Variants in LPA observed in about 807,000 individuals in gnomAD.
LPA encodes lipoprotein(a).
Under a neutral mutation model 197.9 loss-of-function variants are expected in LPA, and 199 were observed. The observed-to-expected ratio is 1.01, with a 90% CI of 0.90 to 1.13. The LOEUF is 1.13. Among genes scored for constraint, LPA ranks in the 50% most tolerant of loss-of-function variants. The pLI is 0.00. For missense variants in LPA, 1,853 were observed against 1,785.8 expected, an observed-to-expected ratio of 1.04 and a Z score of -0.68; for synonymous variants, 715 against 639.5, an observed-to-expected ratio of 1.12 and a Z score of -1.78.
chr6:160,657,640 G>T (rs965471523), intron 1 of LPA, among the ~76,000 whole-genome samples: 1 of 151,980 alleles, frequency 6.6e-6, no homozygotes, highest in African/African-American at 2.4e-5. Context: ...CTCGTGATCT[G>T]CCCGCCCCCG....
intron 37 of LPA, among the ~76,000 whole-genome samples, chr6:160,533,856 C>G (rs1258915971): frequency 6.6e-6 from 1 of 152,202 alleles, no homozygotes; most frequent in African/African-American, 2.4e-5. Context: ...TAATTTCCTT[C>G]GCCAAATTGA....
chr6:160,580,712 C>G (rs984876525), intron 26 of LPA, among the ~76,000 whole-genome samples: 1 of 152,100 alleles, frequency 6.6e-6, no homozygotes, highest in Non-Finnish European at 1.5e-5. Context: ...TGCATCTTCT[C>G]CTAAGAAATG....
chr6:160,545,178 C>T (rs1778045672), intron 33 of LPA, among the ~76,000 whole-genome samples: 1 of 151,974 alleles, frequency 6.6e-6, no homozygotes, highest in Admixed American at 6.6e-5. Context: ...ATTAGATCAC[C>T]TCTAAGTTTG....
At chr6:160,654,085 ATATAT>A (rs1323538641) in intron 1 of LPA, among the ~76,000 whole-genome samples, 3 of 47,222 alleles carry the variant, frequency 6.4e-5, no homozygotes, top group African/African-American at 2.8e-4. Flanking sequence ...TATATATTAT[ATATAT>A]TATATATAAT....
rs546421949 is a variant in LPA, at chr6:160,546,226, C to T, written c.5305-693G>A. On this transcript the variant is annotated intron_variant, in intron 32 of 38. Coordinates refer to ENST00000316300, the MANE Select transcript of LPA (RefSeq NM_005577.4). ...CAACCTCCAGGGAGGGAAGAGGGGCCGAAGGTGAGCCGATCACCGATGGCC... is the reference window on the plus strand; with the variant it reads ...CAACCTCCAGGGAGGGAAGAGGGGCTGAAGGTGAGCCGATCACCGATGGCC... Among the ~76,000 whole-genome samples the T allele has an allele frequency of 1.1e-4, 17 of 152,154 alleles. No individual in the cohort carries two copies. The East Asian group carries it at 2.1e-3, about 19-fold the overall frequency.
At chr6:160,606,932 C>T (rs186050179) in intron 16 of LPA, among the ~76,000 whole-genome samples, 11 of 152,254 alleles carry the variant, frequency 7.2e-5, no homozygotes, top group African/African-American at 1.2e-4. Context: ...GGGCAAAAAA[C>T]GATCAGAGTA....
chr6:160,557,854 AT>A (rs1406889191), intron 28 of LPA, among the ~76,000 whole-genome samples: 1 of 152,172 alleles, frequency 6.6e-6, no homozygotes, highest in Non-Finnish European at 1.5e-5. Context: ...AATTCGGAAT[AT>A]CTTCCTCCTT....
Position 160,600,902 on chromosome 6 carries a change from G to A in LPA, c.3127+15C>T. ...CCAGCATCCAAGCAGGTAAATGTCT[G>A]GCACAACTTCTTACCTTGTTCAAAA... On this transcript the variant is annotated intron_variant, in intron 19 of 38. Coordinates refer to ENST00000316300, the MANE Select transcript of LPA (RefSeq NM_005577.4). The A allele has an allele frequency of 1.9e-6, 3 of 1,611,936 alleles. No individual in the cohort carries two copies. Among genetic ancestry groups the A allele is most frequent in the South Asian group, 2.2e-5 (2 of 90,998 alleles).
intron 20 of LPA, among the ~76,000 whole-genome samples, chr6:160,595,998 T>G (rs1329095631): frequency 1.3e-5 from 2 of 152,214 alleles, no homozygotes. Flanking sequence ...TACAAATATT[T>G]CTCTGTCAGC....
chr6:160,603,287 TGTGA>T (rs1442789348), intron 18 of LPA, among the ~76,000 whole-genome samples: 3 of 151,544 alleles, frequency 2.0e-5, no homozygotes, highest in East Asian at 1.9e-4. Context: ...CCTGTGCATG[TGTGA>T]GTATGTGTGT....
intron 28 of LPA, among the ~76,000 whole-genome samples, chr6:160,568,498 G>C (rs530072121): frequency 6.6e-6 from 1 of 152,216 alleles, no homozygotes; most frequent in East Asian, 1.9e-4. Flanking sequence ...AAAATAATAA[G>C]AGCTATTTAT....
chr6:160,655,188 T>C (rs1780111449), intron 1 of LPA, among the ~76,000 whole-genome samples: 2 of 152,162 alleles, frequency 1.3e-5, no homozygotes, highest in Non-Finnish European at 2.9e-5. Flanking sequence ...TGACCCACAG[T>C]CAAACGTTCA....
chr6:160,572,875 A>C (rs970194009), intron 28 of LPA, among the ~76,000 whole-genome samples: 6 of 152,056 alleles, frequency 3.9e-5, no homozygotes, highest in African/African-American at 1.2e-4. Flanking sequence ...ACCTGATGAG[A>C]ATGTGCCTAG....
chr6:160,651,230 T>C (rs2115099862), intron 1 of LPA, among the ~76,000 whole-genome samples: 1 of 152,308 alleles, frequency 6.6e-6, no homozygotes, highest in African/African-American at 2.4e-5. Context: ...AGATACAGCA[T>C]TTGTTTATTT....
chr6:160,563,191 C>T (rs1228245140), intron 28 of LPA, among the ~76,000 whole-genome samples: 3 of 152,242 alleles, frequency 2.0e-5, no homozygotes, highest in Middle Eastern at 3.4e-3. Flanking sequence ...CCCGCTTTCT[C>T]CTGTGGGCAT....
chr6:160,596,150 G>C (rs1393919247), intron 20 of LPA, among the ~76,000 whole-genome samples: 1 of 152,126 alleles, frequency 6.6e-6, no homozygotes, highest in Non-Finnish European at 1.5e-5. Context: ...CTTCTTTTCA[G>C]CTTTCAGAAC....
chr6:160,611,453 T>C (rs1779515689), intron 16 of LPA, 109 bp downstream of exon 16: 3 of 1,537,780 alleles, frequency 2.0e-6, no homozygotes, highest in Admixed American at 3.3e-5. Flanking sequence ...TGCTACACCA[T>C]CTGAATCTGA....
intron 37 of LPA, among the ~76,000 whole-genome samples, chr6:160,535,276 G>T (rs188312210): frequency 2.7e-5 from 4 of 149,442 alleles, no homozygotes; most frequent in Admixed American, 6.7e-5. Context: ...GATGATGGTG[G>T]TGATGGTGAT....
chr6:160,574,221 T>C (rs1778614069), intron 28 of LPA, among the ~76,000 whole-genome samples: 1 of 152,044 alleles, frequency 6.6e-6, no homozygotes, highest in African/African-American at 2.4e-5. Flanking sequence ...CCATGCAAAC[T>C]GAAGGGCTGG....
Sources: allele counts gnomAD v4.1 joint callset (sites outside exome capture counted in the v4.1 genomes callset), GRCh38; gene constraint gnomAD v4.1.1; transcripts MANE v1.5; gene names NCBI Gene and HGNC (gene_info 2026-07-23, HGNC 2026-07-21).